The following LRMDA variants were observed in gnomAD, a reference collection of about 807,000 sequenced individuals.
LRMDA encodes the protein leucine-rich melanocyte differentiation-associated protein.
In LRMDA, 18 loss-of-function variants were observed where a neutral mutation model predicts 29.8. The ratio of observed to expected loss-of-function variants is 0.60; its 90% CI spans 0.42 to 0.90. LRMDA has a LOEUF of 0.90. Among genes scored for constraint, LRMDA ranks in the 40% least tolerant of loss-of-function variants. LRMDA has a pLI of 0.00. For synonymous variants in LRMDA, 125 were observed against 109.4 expected, an observed-to-expected ratio of 1.14 and a Z score of -0.89; for missense variants, 273 against 273.9, an observed-to-expected ratio of 1.00 and a Z score of 0.02.
Position 76,557,218 on chromosome 10 carries a change from G to GGAA in LRMDA, c.613_615dup (p.Lys205dup). ...GTCTTTTTATTTGCAGGTGTCCTGG[G>GGAA]GAAGTGTCGCTACGTTTACTATGGG... On this transcript the variant is annotated inframe_insertion, in exon 7 of 7. Coordinates refer to ENST00000611255, the MANE Select transcript of LRMDA (RefSeq NM_001305581.2). 6.2e-7 allele frequency: 1 copy of GGAA among 1,613,932 alleles called. No homozygotes were observed. Among genetic ancestry groups the GGAA allele is most frequent in the Non-Finnish European group, 8.5e-7 (1 of 1,179,914 alleles).
At chr10:75,535,074 G>A (rs1168063717) in intron 2 of LRMDA, among the ~76,000 whole-genome samples, 1 of 152,140 alleles carries the variant, frequency 6.6e-6, no homozygotes, top group Non-Finnish European at 1.5e-5. Flanking sequence ...TTGTGAATGT[G>A]TCTTACAATC....
intron 5 of LRMDA, among the ~76,000 whole-genome samples, chr10:76,195,852 T>C (rs11001678): frequency 0.01 from 1,546 of 152,372 alleles, 11 homozygotes; most frequent in Non-Finnish European, 0.015. Context: ...GGTAGGGTCA[T>C]GTGACTGACC....
intron 2 of LRMDA, among the ~76,000 whole-genome samples, chr10:75,539,122 G>C (rs981615075): frequency 6.6e-6 from 1 of 152,152 alleles, no homozygotes; most frequent in Non-Finnish European, 1.5e-5. Flanking sequence ...AACAATGTAA[G>C]GCATTTTCCC....
intron 2 of LRMDA, among the ~76,000 whole-genome samples, chr10:75,628,362 T>G (rs904127238): frequency 6.6e-6 from 1 of 152,112 alleles, no homozygotes; most frequent in Non-Finnish European, 1.5e-5. Context: ...AAATGCTAAG[T>G]TTGAGGGTGG....
At chr10:76,255,022 C>T (rs1156999251) in intron 5 of LRMDA, among the ~76,000 whole-genome samples, 1 of 152,160 alleles carries the variant, frequency 6.6e-6, no homozygotes, top group Non-Finnish European at 1.5e-5. Context: ...TATTTTCACT[C>T]AGCCTTTCAA....
intron 5 of LRMDA, among the ~76,000 whole-genome samples, chr10:76,280,806 A>T (rs1027346292): frequency 6.7e-6 from 1 of 150,128 alleles, no homozygotes; most frequent in Non-Finnish European, 1.5e-5. Flanking sequence ...TTTCTAGGGA[A>T]TGTGCCTTAA....
At chr10:75,641,217 G>A (rs1841449061) in intron 2 of LRMDA, among the ~76,000 whole-genome samples, 1 of 152,078 alleles carries the variant, frequency 6.6e-6, no homozygotes, top group Admixed American at 6.6e-5. Context: ...TGCACCCTTG[G>A]GAGGTTAAAA....
intron 2 of LRMDA, among the ~76,000 whole-genome samples, chr10:75,819,129 A>C (rs931760672): frequency 3.9e-5 from 6 of 152,194 alleles, no homozygotes; most frequent in African/African-American, 1.4e-4. Context: ...TTATTACAAT[A>C]AAAATTGTAG....
At chr10:76,333,874 C>T (rs958377296) in intron 6 of LRMDA, among the ~76,000 whole-genome samples, 4 of 152,132 alleles carry the variant, frequency 2.6e-5, no homozygotes, top group African/African-American at 9.7e-5. Flanking sequence ...TAGAGAGAAA[C>T]AGAGGACCAG....
intron 2 of LRMDA, among the ~76,000 whole-genome samples, chr10:75,622,468 G>A (rs1425330571): frequency 3.3e-5 from 5 of 152,072 alleles, no homozygotes; most frequent in Non-Finnish European, 5.9e-5. Context: ...CTTATCTACC[G>A]TTTTTACTTT....
chr10:75,841,413 C>T (rs2132301185), intron 2 of LRMDA, among the ~76,000 whole-genome samples: 1 of 152,316 alleles, frequency 6.6e-6, no homozygotes, highest in Middle Eastern at 3.4e-3. Flanking sequence ...CGACTCAAGC[C>T]AGTCCTGGGA....
intron 5 of LRMDA, among the ~76,000 whole-genome samples, chr10:76,251,354 G>A (rs1192617593): frequency 6.9e-6 from 1 of 144,762 alleles, no homozygotes; most frequent in Non-Finnish European, 1.5e-5. Flanking sequence ...CCGGGTTCAC[G>A]CCATTCTCCT....
intron 2 of LRMDA, among the ~76,000 whole-genome samples, chr10:75,477,684 C>G (rs1279078795): frequency 6.6e-6 from 1 of 152,196 alleles, no homozygotes; most frequent in East Asian, 1.9e-4. Flanking sequence ...CTTGTATAGC[C>G]CCTGGGGCCC....
chr10:76,043,273 A>G (rs931353993), intron 3 of LRMDA, among the ~76,000 whole-genome samples: 1 of 152,174 alleles, frequency 6.6e-6, no homozygotes, highest in African/African-American at 2.4e-5. Flanking sequence ...GTCCCTGCAT[A>G]TTTGTGTTAA....
chr10:75,853,612 A>C (rs576966041), intron 2 of LRMDA, among the ~76,000 whole-genome samples: 14 of 152,322 alleles, frequency 9.2e-5, no homozygotes, highest in African/African-American at 2.6e-4. Context: ...CATTCTCAAA[A>C]CTAAACTTAA....
intron 5 of LRMDA, among the ~76,000 whole-genome samples, chr10:76,188,272 T>C (rs1851183127): frequency 6.6e-6 from 1 of 152,226 alleles, no homozygotes; most frequent in Non-Finnish European, 1.5e-5. Context: ...GATAGCACTC[T>C]GTAGTTTAAG....
intron 6 of LRMDA, among the ~76,000 whole-genome samples, chr10:76,327,243 C>T (rs989559555): frequency 3.3e-5 from 5 of 152,038 alleles, no homozygotes; most frequent in Admixed American, 6.5e-5. Flanking sequence ...AGGTGTGTGC[C>T]ACCATGCCTG....
At chr10:75,656,451 C>G (rs1841675519) in intron 2 of LRMDA, among the ~76,000 whole-genome samples, 1 of 152,040 alleles carries the variant, frequency 6.6e-6, no homozygotes. Flanking sequence ...TTTTATTGTT[C>G]TCTTACTTGA....
intron 4 of LRMDA, 69 bp from the exon 5 acceptor site, chr10:76,058,597 G>T: frequency 7.8e-7 from 1 of 1,285,650 alleles, no homozygotes; most frequent in South Asian, 1.2e-5. Flanking sequence ...TTGAAGATCA[G>T]ACAAGCTGTC....
Sources: allele counts gnomAD v4.1 joint callset (sites outside exome capture counted in the v4.1 genomes callset), GRCh38; gene constraint gnomAD v4.1.1; transcripts MANE v1.5; gene names NCBI Gene and HGNC (gene_info 2026-07-23, HGNC 2026-07-21).